RNFT2: variants seen among roughly 807,000 people sequenced by gnomAD.
RNFT2 encodes ring finger protein, transmembrane 2.
RNFT2 carries 36 observed loss-of-function variants against 53.0 expected under a neutral mutation model. That is an observed-to-expected ratio of 0.68 (90% CI 0.52 to 0.90). The LOEUF (loss-of-function observed/expected upper bound fraction) is 0.90, where lower values mean the gene tolerates loss of function less well. RNFT2 is among the 40% of genes least tolerant of loss of function. The pLI is 0.00. For missense variants in RNFT2, 514 were observed against 585.6 expected (o/e 0.88, Z 1.26); for synonymous variants, 260 against 253.2 (o/e 1.03, Z -0.26).
rs192959003 is a variant in RNFT2 at position 116,762,639 on chromosome 12, G to C, written c.628-4175G>C. Among the ~76,000 whole-genome samples the C allele has an allele frequency of 7.2e-4, 108 of 150,816 alleles. 2 individuals carry two copies. In the East Asian group the frequency reaches 0.018, roughly 26 times the overall value. ...CTGTCACCCAGGCTGGAGTGCAGTG[G>C]TGCAATCTCGGCTCACTGCAACCTC... On this transcript the variant is annotated intron_variant, in intron 5 of 10. Transcript: ENST00000257575.
At chr12:116,755,928 T>C in intron 5 of RNFT2, 1 of 1,082,786 alleles carries the variant, frequency 9.2e-7, no homozygotes. Flanking sequence ...AGATATGTCC[T>C]TATTTTTGTA....
chr12:116,845,703 T>C (rs1044690563), intron 10 of RNFT2, among the ~76,000 whole-genome samples: 2 of 152,104 alleles, frequency 1.3e-5, no homozygotes, highest in Non-Finnish European at 2.9e-5. Context: ...CTGTAGAAGC[T>C]GCAGGGCTTG....
At chr12:116,750,544 G>A (rs1425436578) in intron 4 of RNFT2, among the ~76,000 whole-genome samples, 1 of 151,948 alleles carries the variant, frequency 6.6e-6, no homozygotes, top group African/African-American at 2.4e-5. Context: ...TCTAGTGGGG[G>A]TTAGGATAGA....
chr12:116,774,511 T>C (rs17616249), intron 6 of RNFT2, among the ~76,000 whole-genome samples: 2 of 152,204 alleles, frequency 1.3e-5, no homozygotes, highest in Non-Finnish European at 2.9e-5. Context: ...TTGTGGAAAC[T>C]ATCAGAGCTG....
chr12:116,828,168 A>T (rs1463687022), intron 7 of RNFT2, among the ~76,000 whole-genome samples: 6 of 151,984 alleles, frequency 3.9e-5, no homozygotes, highest in African/African-American at 1.5e-4. Context: ...TGGCTCTGGA[A>T]CACCCTTCCT....
At chr12:116,753,493 A>T (rs893695600) in intron 4 of RNFT2, among the ~76,000 whole-genome samples, 5 of 152,088 alleles carry the variant, frequency 3.3e-5, no homozygotes, top group Non-Finnish European at 7.4e-5. Context: ...ATTCTATCTG[A>T]TTCTATCAAT....
At chr12:116,752,201 A>T (rs1192399085) in intron 4 of RNFT2, among the ~76,000 whole-genome samples, 1 of 151,320 alleles carries the variant, frequency 6.6e-6, no homozygotes, top group Non-Finnish European at 1.5e-5. Context: ...AAAAAAAGAG[A>T]GAGAGAGAAA....
chr12:116,822,795 G>A (rs1043310763), intron 7 of RNFT2, among the ~76,000 whole-genome samples: 49 of 151,992 alleles, frequency 3.2e-4, no homozygotes, highest in African/African-American at 1.2e-3. Flanking sequence ...TGAGGAGTTC[G>A]AGACCAGCCT....
intron 8 of RNFT2, among the ~76,000 whole-genome samples, chr12:116,834,160 C>CT (rs1876838304): frequency 6.6e-6 from 1 of 151,852 alleles, no homozygotes; most frequent in African/African-American, 2.4e-5. Flanking sequence ...ACTCTGTCTC[C>CT]CAGGCTGGAG....
At chr12:116,754,836 T>A (rs537608927) in intron 5 of RNFT2, among the ~76,000 whole-genome samples, 2 of 152,372 alleles carry the variant, frequency 1.3e-5, no homozygotes, top group East Asian at 3.9e-4. Flanking sequence ...TGGGATTGTT[T>A]GTTTTTTTCT....
intron 7 of RNFT2, among the ~76,000 whole-genome samples, chr12:116,801,841 A>T (rs908154954): frequency 4.0e-5 from 6 of 150,150 alleles, no homozygotes; most frequent in African/African-American, 1.3e-4. Flanking sequence ...TGTTTTTTTG[A>T]GACAGAGTCT....
At chr12:116,772,423 C>T (rs2137107857) in intron 6 of RNFT2, among the ~76,000 whole-genome samples, 1 of 152,332 alleles carries the variant, frequency 6.6e-6, no homozygotes, top group East Asian at 1.9e-4. Context: ...TCTCCTGCCT[C>T]AGCCTCCTGA....
intron 7 of RNFT2, among the ~76,000 whole-genome samples, chr12:116,794,353 T>G (rs1464728062): frequency 1.3e-5 from 2 of 152,020 alleles, no homozygotes; most frequent in Non-Finnish European, 2.9e-5. Context: ...ATCCCAGCAC[T>G]TTGGGAGGCC....
intron 6 of RNFT2, among the ~76,000 whole-genome samples, chr12:116,778,296 T>C (rs1873527549): frequency 6.6e-6 from 1 of 152,186 alleles, no homozygotes; most frequent in Non-Finnish European, 1.5e-5. Context: ...GTTTGGGTCA[T>C]GGGTATGGAT....
chr12:116,755,242 G>T (rs1173057345), intron 5 of RNFT2, among the ~76,000 whole-genome samples: 7 of 152,074 alleles, frequency 4.6e-5, no homozygotes, highest in Non-Finnish European at 1.0e-4. Flanking sequence ...GTTGAAAAGG[G>T]TGTCCTTTCC....
chr12:116,773,314 A>C (rs1430601696), intron 6 of RNFT2, among the ~76,000 whole-genome samples: 1 of 152,186 alleles, frequency 6.6e-6, no homozygotes, highest in Non-Finnish European at 1.5e-5. Context: ...CTATATTAAG[A>C]AAACATATCA....
intron 7 of RNFT2, among the ~76,000 whole-genome samples, chr12:116,789,960 GTGGATGGA>G (rs71095596): frequency 4.1e-5 from 6 of 146,276 alleles, no homozygotes; most frequent in South Asian, 4.4e-4. Context: ...GGATGGGTGG[GTGGATGGA>G]TGGATGGATG....
At chr12:116,832,148 A>AATATATATAT (rs1555209703) in intron 7 of RNFT2, among the ~76,000 whole-genome samples, 7 of 55,168 alleles carry the variant, frequency 1.3e-4, no homozygotes, top group Admixed American at 5.4e-4. Flanking sequence ...AAAAAAAAAA[A>AATATATATAT]ATATATATAT....
At chr12:116,838,486 G>A (rs1202713074) in intron 10 of RNFT2, among the ~76,000 whole-genome samples, 1 of 152,178 alleles carries the variant, frequency 6.6e-6, no homozygotes. Flanking sequence ...TGTAAAGAAT[G>A]TATCCACTTA....
Sources: allele counts gnomAD v4.1 joint callset (sites outside exome capture counted in the v4.1 genomes callset), GRCh38; gene constraint gnomAD v4.1.1; transcripts MANE v1.5; gene names NCBI Gene and HGNC (gene_info 2026-07-23, HGNC 2026-07-21).